Variants in PLAC1 observed in about 807,000 individuals in gnomAD.
PLAC1 encodes the protein placenta-specific protein 1.
For missense variants in PLAC1, 136 were observed against 163.2 expected (o/e 0.83, Z 0.91); for synonymous variants, 68 against 62.1 (o/e 1.09, Z -0.44).
Position 134,601,627 on chromosome X carries a change from C to T in PLAC1, c.-59+424G>A, listed in dbSNP as rs528852187. 3.6e-5 allele frequency: 4 copies of T among 112,471 alleles called. No homozygotes were observed. In the Admixed American group the frequency reaches 3.8e-4, roughly 11 times the overall value. The allele number at this position is 112,471 out of a possible 1,213,427, so 9.3% of individuals were successfully genotyped here. The stretch of plus-strand genomic sequence containing the variant: ...CATTAGACTCTCTCCTGTTATACAG[C>T]ATAAGTGCTAGAGGCATAACACATG... On this transcript the variant is annotated intron_variant, in intron 2 of 2. Coordinates refer to ENST00000359237, the MANE Select transcript of PLAC1 (RefSeq NM_021796.4).
At chrX:134,615,738 T>C (rs1307845191) in intron 1 of PLAC1, among the ~76,000 whole-genome samples, 2 of 111,711 alleles carry the variant, frequency 1.8e-5, no homozygotes, top group African/African-American at 6.5e-5. Flanking sequence ...CTTTAACCAA[T>C]TTTGAGTTGA....
At chrX:134,607,009 T>C (rs1214988521) in intron 1 of PLAC1, 1 of 112,510 alleles carries the variant, frequency 8.9e-6, no homozygotes, top group Middle Eastern at 4.6e-3. Context: ...AGTCTGCACT[T>C]GTACCCTCTA....
At chrX:134,657,189 A>G (rs2078396160) in intron 1 of PLAC1, among the ~76,000 whole-genome samples, 1 of 112,537 alleles carries the variant, frequency 8.9e-6, no homozygotes, top group Admixed American at 9.4e-5. Flanking sequence ...ATAGAGCACC[A>G]ATTATGTATC....
chrX:134,671,203 G>A (rs1312020227), intron 2 of PLAC1, among the ~76,000 whole-genome samples: 1 of 111,654 alleles, frequency 9.0e-6, no homozygotes, highest in Non-Finnish European at 1.9e-5. Context: ...TGGCATGACA[G>A]AGTATTTTTA....
intron 1 of PLAC1, among the ~76,000 whole-genome samples, chrX:134,655,751 G>T (rs953429831): frequency 4.5e-5 from 5 of 111,877 alleles, no homozygotes; most frequent in Non-Finnish European, 9.4e-5. Flanking sequence ...TGGTATGTGT[G>T]TTTTTAAAAA....
intron 1 of PLAC1, among the ~76,000 whole-genome samples, chrX:134,608,970 G>A (rs770359451): frequency 1.4e-4 from 14 of 98,501 alleles, no homozygotes; most frequent in African/African-American, 4.7e-4. Context: ...CACCGTGCCC[G>A]GCCTCTTTTT....
intron 2 of PLAC1, among the ~76,000 whole-genome samples, chrX:134,600,630 AAC>A (rs748863101): frequency 3.6e-5 from 4 of 110,919 alleles, no homozygotes; most frequent in African/African-American, 1.3e-4. Flanking sequence ...TAGCATGGGC[AAC>A]AGAGTGAGAC....
chrX:134,684,066 A>G (rs1215443263), intron 2 of PLAC1, among the ~76,000 whole-genome samples: 5 of 111,084 alleles, frequency 4.5e-5, no homozygotes, highest in African/African-American at 1.3e-4. Context: ...GTGATGATCA[A>G]TCTGGGACTA....
At chrX:134,685,206 T>C (rs927179592) in intron 2 of PLAC1, among the ~76,000 whole-genome samples, 2 of 111,761 alleles carry the variant, frequency 1.8e-5, no homozygotes, top group Admixed American at 9.5e-5. Flanking sequence ...ACTAGACATC[T>C]GCAGCATTAG....
intron 1 of PLAC1, among the ~76,000 whole-genome samples, chrX:134,618,430 G>C (rs2078195242): frequency 9.1e-6 from 1 of 110,267 alleles, no homozygotes; most frequent in Non-Finnish European, 1.9e-5. Context: ...TTTTGAGACA[G>C]GTTCTCACTC....
At chrX:134,724,384 A>T (rs1483819460) in intron 2 of PLAC1, among the ~76,000 whole-genome samples, 1 of 112,127 alleles carries the variant, frequency 8.9e-6, no homozygotes, top group Non-Finnish European at 1.9e-5. Context: ...GCGTGCCAAC[A>T]TGATAAGGCC....
chrX:134,692,219 T>C (rs140823162), intron 2 of PLAC1, among the ~76,000 whole-genome samples: 2,711 of 111,828 alleles, frequency 0.024, 51 homozygotes, highest in East Asian at 0.16. Flanking sequence ...CTACTTGGTC[T>C]TGACCTCAGG....
intron 1 of PLAC1, among the ~76,000 whole-genome samples, chrX:134,736,548 C>T (rs1467109595): frequency 2.7e-5 from 3 of 111,158 alleles, no homozygotes; most frequent in Non-Finnish European, 5.7e-5. Context: ...GTTGGCTGGG[C>T]CCCTGACCCC....
chrX:134,714,413 C>T (rs1308550418), intron 2 of PLAC1, among the ~76,000 whole-genome samples: 1 of 110,031 alleles, frequency 9.1e-6, no homozygotes, highest in Non-Finnish European at 1.9e-5. Flanking sequence ...CTGGCTTTCA[C>T]CAGGGCACTA....
chrX:134,755,152 A>T (rs769099843), intron 1 of PLAC1, among the ~76,000 whole-genome samples: 2 of 111,650 alleles, frequency 1.8e-5, no homozygotes, highest in African/African-American at 6.5e-5. Flanking sequence ...AATTAGGGAG[A>T]AAAAATAGGA....
intron 2 of PLAC1, among the ~76,000 whole-genome samples, chrX:134,666,500 A>G (rs148449281): frequency 0.017 from 1,926 of 111,575 alleles, 14 homozygotes; most frequent in Middle Eastern, 0.037. Flanking sequence ...TTAAACCGAG[A>G]GTGGGCAGTC....
In PLAC1 at chrX:134,579,249, G is replaced by A. The variant is rs762736965; in HGVS notation, c.-58-12509C>T. Reference sequence around the variant, plus strand: ...AAGACAGGCATCACATGTTAAAACTGTGGAAACGGGGGTCCCAGAAGGGCA... The same window carrying A: ...AAGACAGGCATCACATGTTAAAACTATGGAAACGGGGGTCCCAGAAGGGCA... On this transcript the variant is annotated intron_variant, in intron 2 of 2. Transcript: ENST00000359237. Among the ~76,000 whole-genome samples, 3 of 111,032 alleles carry A rather than the reference G, an allele frequency of 2.7e-5. No homozygotes were observed. The South Asian group carries it at 1.2e-3, about 43-fold the overall frequency.
chrX:134,709,495 G>A (rs1052903795), intron 2 of PLAC1, among the ~76,000 whole-genome samples: 6 of 111,489 alleles, frequency 5.4e-5, no homozygotes, highest in Middle Eastern at 4.6e-3. Flanking sequence ...GTGTGGTGGC[G>A]TGCACCTGTA....
chrX:134,684,292 T>C (rs1220499316), intron 2 of PLAC1, among the ~76,000 whole-genome samples: 1 of 109,929 alleles, frequency 9.1e-6, no homozygotes, highest in African/African-American at 3.3e-5. Context: ...CAAATGAATG[T>C]CCTTCTAAAA....
Sources: gnomAD v4.1 joint callset for allele counts (sites outside exome capture counted in the v4.1 genomes callset) on GRCh38, gnomAD v4.1.1 for gene constraint, MANE v1.5 for transcripts, NCBI Gene and HGNC (gene_info 2026-07-23, HGNC 2026-07-21) for gene names.